Variants in LTBP1 observed in about 807,000 individuals in gnomAD.
The protein encoded by LTBP1 is latent-transforming growth factor beta-binding protein 1.
LTBP1 carries 129 observed loss-of-function variants against 207.6 expected under a neutral mutation model. That is an observed-to-expected ratio of 0.62 (90% CI 0.54 to 0.72). The LOEUF (loss-of-function observed/expected upper bound fraction) is 0.72. Ranked by LOEUF, LTBP1 falls within the 30% of genes least tolerant of loss-of-function variation. The probability of loss-of-function intolerance (pLI) is 0.00; values close to 1 mark genes in which losing one functional copy is unlikely to be tolerated. For missense variants in LTBP1, 2,281 were observed against 2,217.2 expected, an observed-to-expected ratio of 1.03 and a Z score of -0.58; for synonymous variants, 963 against 833.7, an observed-to-expected ratio of 1.16 and a Z score of -2.67.
chr2:33,215,348 C>G (rs1411936724), intron 7 of LTBP1, among the ~76,000 whole-genome samples: 2 of 152,142 alleles, frequency 1.3e-5, no homozygotes, highest in African/African-American at 4.8e-5. Context: ...TCAGGCCTCT[C>G]TAACTCCTGA....
intron 7 of LTBP1, among the ~76,000 whole-genome samples, chr2:33,198,293 G>A (rs1056422079): frequency 2.0e-5 from 3 of 152,080 alleles, no homozygotes; most frequent in South Asian, 2.1e-4. Flanking sequence ...TGCTGGATTC[G>A]GTTTGCTAGT....
chr2:33,234,870 C>T (rs116537154), intron 9 of LTBP1, among the ~76,000 whole-genome samples: 5,105 of 152,098 alleles, frequency 0.034, 91 homozygotes, highest in Non-Finnish European at 0.04. Flanking sequence ...AAACTGGACC[C>T]CTTCCTCACA....
chr2:32,988,957 C>G (rs915370046), intron 2 of LTBP1, among the ~76,000 whole-genome samples: 5 of 151,872 alleles, frequency 3.3e-5, no homozygotes, highest in African/African-American at 1.2e-4. Context: ...TTTCTCAGAA[C>G]AGAATTTAAT....
Position 33,134,989 on chromosome 2 carries a change from C to A in LTBP1, c.1201+29C>A. 6.4e-7 allele frequency: 1 copy of A among 1,561,010 alleles called. No individual in the cohort carries two copies. The highest frequency in any genetic ancestry group is 8.7e-7 in the Non-Finnish European group (1 of 1,153,504). On this transcript the variant is annotated intron_variant, in intron 5 of 33. Coordinates refer to ENST00000404816, the MANE Select transcript of LTBP1 (RefSeq NM_206943.4). This position sits in a 1 kb window ranked among gnomAD's most constrained non-coding sequence, Gnocchi z 4.4. ...AGTTCCTCCACGGTCCCTAACTGTC[C>A]TTACTGAGTCGAGTTTTATGAGATT...
In LTBP1 at chr2:33,117,607, C is replaced by G. The variant is rs532948845; in HGVS notation, c.1033+6856C>G. Reference sequence around the variant, plus strand: ...GGAGATAGGCAATATTTAACACGGACAGGTCTGCTTATGCCAGCCACTTCA... The same window carrying G: ...GGAGATAGGCAATATTTAACACGGAGAGGTCTGCTTATGCCAGCCACTTCA... On this transcript the variant is annotated intron_variant, in intron 4 of 33. Coordinates refer to ENST00000404816, the MANE Select transcript of LTBP1 (RefSeq NM_206943.4). Among the ~76,000 whole-genome samples, 109 of 152,330 alleles carry G rather than the reference C, an allele frequency of 7.2e-4. 1 individual carries two copies. Among genetic ancestry groups the G allele is most frequent in the Middle Eastern group, 6.8e-3 (2 of 294 alleles).
At chr2:33,071,809 T>G (rs546468156) in intron 3 of LTBP1, among the ~76,000 whole-genome samples, 1 of 152,348 alleles carries the variant, frequency 6.6e-6, no homozygotes, top group African/African-American at 2.4e-5. Flanking sequence ...CTGTGGGACC[T>G]AAGCTGACAA....
chr2:33,015,838 G>A (rs1048874123), intron 2 of LTBP1, among the ~76,000 whole-genome samples: 1 of 152,122 alleles, frequency 6.6e-6, no homozygotes, highest in African/African-American at 2.4e-5. Context: ...CATGACCAGA[G>A]GAGGAGGAAG....
At chr2:33,238,677 C>T (rs951059836) in intron 9 of LTBP1, among the ~76,000 whole-genome samples, 1 of 152,176 alleles carries the variant, frequency 6.6e-6, no homozygotes, top group South Asian at 2.1e-4. Context: ...AATATTCCTC[C>T]TATTATTTTC....
intron 4 of LTBP1, among the ~76,000 whole-genome samples, chr2:33,126,137 A>G (rs2150462217): frequency 6.6e-6 from 1 of 152,258 alleles, no homozygotes; most frequent in Non-Finnish European, 1.5e-5. Flanking sequence ...GGCTTCCCCG[A>G]GAGTGAGTGA....
At chr2:33,230,777 A>C (rs2091739593) in intron 9 of LTBP1, among the ~76,000 whole-genome samples, 2 of 152,334 alleles carry the variant, frequency 1.3e-5, no homozygotes, top group South Asian at 4.1e-4. Flanking sequence ...TTGGGGAATC[A>C]GTCTGTTGAG....
chr2:33,329,955 T>C lies in LTBP1; in HGVS notation c.3731-12883T>C, dbSNP rs547780794. On this transcript the variant is annotated intron_variant, in intron 24 of 33. Coordinates refer to ENST00000404816, the MANE Select transcript of LTBP1 (RefSeq NM_206943.4). ...TTTGATTGGAATTGAGTTGAATCAATAGATCAATTTGGGGAGGTTTGGCAT... is the reference window on the plus strand; with the variant it reads ...TTTGATTGGAATTGAGTTGAATCAACAGATCAATTTGGGGAGGTTTGGCAT... 2.0e-5 allele frequency among the ~76,000 whole-genome samples: 3 copies of C among 152,222 alleles called. No homozygotes were observed. In the East Asian group the frequency reaches 5.8e-4, roughly 29 times the overall value.
intron 31 of LTBP1, among the ~76,000 whole-genome samples, chr2:33,368,340 A>G (rs2095025428): frequency 6.6e-6 from 1 of 152,234 alleles, no homozygotes; most frequent in South Asian, 2.1e-4. Flanking sequence ...CCCAAAGGGA[A>G]TGTCTTTATC....
chr2:33,079,445 G>A (rs595876), intron 3 of LTBP1, among the ~76,000 whole-genome samples: 114,559 of 152,086 alleles, frequency 0.75, 45,384 homozygotes, highest in East Asian at 0.98. Flanking sequence ...AGAGCTTAAA[G>A]AGCTAGGCAA....
chr2:33,359,681 T>C (rs193214342), intron 26 of LTBP1, among the ~76,000 whole-genome samples: 2 of 152,280 alleles, frequency 1.3e-5, no homozygotes, highest in Admixed American at 1.3e-4. Flanking sequence ...AAACAGTTAA[T>C]ACATTCAAAC....
chr2:33,303,043 A>G (rs1251890399), intron 22 of LTBP1, among the ~76,000 whole-genome samples: 1 of 152,074 alleles, frequency 6.6e-6, no homozygotes, highest in Non-Finnish European at 1.5e-5. Flanking sequence ...GATAAGTGAT[A>G]ATATAAGATA....
chr2:33,384,384 G>A (rs1047828811), intron 31 of LTBP1, among the ~76,000 whole-genome samples: 8 of 152,142 alleles, frequency 5.3e-5, no homozygotes, highest in Non-Finnish European at 8.8e-5. Context: ...TTGGGGCATG[G>A]GGAATGCAGT....
intron 2 of LTBP1, among the ~76,000 whole-genome samples, chr2:32,979,033 A>T (rs1170767580): frequency 6.6e-6 from 1 of 151,718 alleles, no homozygotes; most frequent in Non-Finnish European, 1.5e-5. Flanking sequence ...TTTCTGTGTT[A>T]TCAATTGTTA....
chr2:33,049,831 T>C (rs961648452), intron 3 of LTBP1, among the ~76,000 whole-genome samples: 21 of 147,802 alleles, frequency 1.4e-4, no homozygotes, highest in African/African-American at 4.8e-4. Flanking sequence ...GAGGTTAGGC[T>C]TTTTTTTTTC....
chr2:33,345,116 C>A (rs2094684561), intron 25 of LTBP1, among the ~76,000 whole-genome samples: 1 of 152,236 alleles, frequency 6.6e-6, no homozygotes. Flanking sequence ...ACTGGGTGTT[C>A]TGTAGAGCTA....
Sources: allele counts gnomAD v4.1 joint callset (sites outside exome capture counted in the v4.1 genomes callset), GRCh38; gene constraint gnomAD v4.1.1; non-coding constraint Gnocchi (gnomAD v3.1); transcripts MANE v1.5; gene names NCBI Gene and HGNC (gene_info 2026-07-23, HGNC 2026-07-21).